NFIA: variants seen among roughly 807,000 people sequenced by gnomAD.
NFIA encodes the protein nuclear factor I A, also known as nuclear factor 1 A-type.
Under a neutral mutation model 62.8 loss-of-function variants are expected in NFIA, and 8 were observed. The ratio of observed to expected loss-of-function variants is 0.13; its 90% confidence interval spans 0.07 to 0.23. The LOEUF is 0.23. Ranked by LOEUF, NFIA falls within the 10% of genes least tolerant of loss-of-function variation. The pLI, the probability that NFIA is intolerant of heterozygous loss-of-function variation, is 1.00. For synonymous variants in NFIA, 235 were observed against 238.1 expected, an observed-to-expected ratio of 0.99 and a Z score of 0.12; for missense variants, 410 against 642.1, an observed-to-expected ratio of 0.64 and a Z score of 3.91.
chr1:61,115,138 C>G (rs1167981156), intron 2 of NFIA, among the ~76,000 whole-genome samples: 2 of 152,142 alleles, frequency 1.3e-5, no homozygotes, highest in East Asian at 3.9e-4. Context: ...GGCCACCACG[C>G]CCAGCTAACT....
At chr1:61,116,499 G>A (rs1036133732) in intron 2 of NFIA, among the ~76,000 whole-genome samples, 3 of 151,786 alleles carry the variant, frequency 2.0e-5, no homozygotes, top group Non-Finnish European at 2.9e-5. Context: ...GGTGAAAAGC[G>A]GTTTTTTGAT....
At chr1:61,260,711 A>G (rs898051091) in intron 2 of NFIA, among the ~76,000 whole-genome samples, 4 of 152,046 alleles carry the variant, frequency 2.6e-5, no homozygotes, top group African/African-American at 7.2e-5. Context: ...CTCTGGAGTA[A>G]CTGGGACTAC....
At chr1:61,113,598 A>G (rs1336884515) in intron 2 of NFIA, among the ~76,000 whole-genome samples, 2 of 142,030 alleles carry the variant, frequency 1.4e-5, no homozygotes, top group African/African-American at 6.0e-5. Context: ...CCATCTCAGA[A>G]AAAAAAAAAA....
At chr1:61,445,711 A>T (rs117282320) in intron 10 of NFIA, among the ~76,000 whole-genome samples, 2,038 of 152,336 alleles carry the variant, frequency 0.013, 41 homozygotes, top group East Asian at 0.049. Context: ...GTTCAGGTGA[A>T]ACCCTGACAC....
At chr1:61,403,972 T>A in intron 7 of NFIA, 132 bp from the exon 8 acceptor site, 1 of 1,018,048 alleles carries the variant, frequency 9.8e-7, no homozygotes, top group South Asian at 1.6e-5. Context: ...ACCTATCCAG[T>A]GTTAAATTCA....
intron 3 of NFIA, among the ~76,000 whole-genome samples, chr1:61,317,846 C>A (rs1660452460): frequency 6.6e-6 from 1 of 151,876 alleles, no homozygotes; most frequent in African/African-American, 2.4e-5. Flanking sequence ...ATTCTGTGTT[C>A]TAGGTTCTTT....
At chr1:61,187,279 C>T (rs1651257537) in intron 2 of NFIA, among the ~76,000 whole-genome samples, 1 of 152,134 alleles carries the variant, frequency 6.6e-6, no homozygotes, top group Non-Finnish European at 1.5e-5. Context: ...CCGAGCCCCC[C>T]TTCTCATGTT....
intron 2 of NFIA, among the ~76,000 whole-genome samples, chr1:61,197,058 C>T (rs1052019396): frequency 6.6e-5 from 10 of 151,964 alleles, no homozygotes; most frequent in Non-Finnish European, 1.5e-4. Context: ...GATGGCTCTA[C>T]CTTAAATTCA....
intron 3 of NFIA, among the ~76,000 whole-genome samples, chr1:61,325,932 C>CA (rs36122626): frequency 0.031 from 2,741 of 87,842 alleles, 208 homozygotes; most frequent in Non-Finnish European, 0.039. Flanking sequence ...GACTCTGTCT[C>CA]AAAAAAAAAA....
chr1:61,196,403 G>C (rs1000522056), intron 2 of NFIA, among the ~76,000 whole-genome samples: 9 of 152,040 alleles, frequency 5.9e-5, no homozygotes, highest in African/African-American at 1.7e-4. Context: ...GCTAAAAGCT[G>C]GTTTAAGATA....
intron 10 of NFIA, among the ~76,000 whole-genome samples, chr1:61,444,428 CA>C (rs1288290420): frequency 1.3e-5 from 2 of 152,220 alleles, no homozygotes; most frequent in Non-Finnish European, 2.9e-5. Flanking sequence ...AACTGTAAAA[CA>C]TTCCTTCACC....
At chr1:61,352,294 A>G (rs554860067) in intron 4 of NFIA, among the ~76,000 whole-genome samples, 156 bp from the exon 5 acceptor site, 3 of 152,350 alleles carry the variant, frequency 2.0e-5, no homozygotes, top group Admixed American at 1.3e-4. Flanking sequence ...TTTTTAGTCA[A>G]TATTCCTTTG....
At chr1:61,433,691 A>C (rs1667205838) in intron 10 of NFIA, among the ~76,000 whole-genome samples, 3 of 152,154 alleles carry the variant, frequency 2.0e-5, no homozygotes, top group Admixed American at 6.5e-5. Flanking sequence ...CTGGATTACA[A>C]AGTATTTTCT....
intron 6 of NFIA, among the ~76,000 whole-genome samples, chr1:61,367,303 G>A (rs1236524405): frequency 3.9e-5 from 6 of 152,178 alleles, no homozygotes; most frequent in African/African-American, 1.4e-4. Flanking sequence ...AAAAGGCAGC[G>A]ACTGGTAACA....
At chr1:61,349,613 G>A (rs11581547) in intron 4 of NFIA, among the ~76,000 whole-genome samples, 7,221 of 151,962 alleles carry the variant, frequency 0.048, 219 homozygotes, top group Admixed American at 0.096. Flanking sequence ...TCACTCCATT[G>A]CCCAGGCTGG....
chr1:61,181,434 A>T (rs756101380), intron 2 of NFIA, among the ~76,000 whole-genome samples: 2 of 152,220 alleles, frequency 1.3e-5, no homozygotes, highest in African/African-American at 4.8e-5. Context: ...TTTAAAAAGA[A>T]TATTTACATT....
intron 6 of NFIA, among the ~76,000 whole-genome samples, chr1:61,363,393 T>C (rs1235550729): frequency 1.3e-5 from 2 of 151,934 alleles, no homozygotes; most frequent in African/African-American, 4.8e-5. Context: ...TCACCTGAGG[T>C]TGGGAGTTCG....
chr1:61,185,154 G>C (rs1012868291), intron 2 of NFIA, among the ~76,000 whole-genome samples: 1 of 152,110 alleles, frequency 6.6e-6, no homozygotes, highest in Non-Finnish European at 1.5e-5. Flanking sequence ...CCTGACATGT[G>C]TTAAGTGAGT....
At chr1:61,239,985 T>A (rs1362525941) in intron 2 of NFIA, among the ~76,000 whole-genome samples, 1 of 152,114 alleles carries the variant, frequency 6.6e-6, no homozygotes, top group African/African-American at 2.4e-5. Context: ...TTCCAAACTA[T>A]TCTAGCATGG....
Sources: allele counts gnomAD v4.1 joint callset (sites outside exome capture counted in the v4.1 genomes callset), GRCh38; gene constraint gnomAD v4.1.1; transcripts MANE v1.5; gene names NCBI Gene and HGNC (gene_info 2026-07-23, HGNC 2026-07-21).